The following RP1 variants were observed in gnomAD, a reference collection of about 807,000 sequenced individuals.
RP1 encodes the protein oxygen-regulated protein 1.
In RP1, 16 loss-of-function variants were observed where a neutral mutation model predicts 14.8. That is an observed-to-expected ratio of 1.08 (90% confidence interval 0.73 to 1.65). RP1 has a LOEUF of 1.65. RP1 is among the 40% of genes most tolerant of loss of function. The pLI is 0.00. For missense variants in RP1, 2,631 were observed against 2,535.0 expected, an observed-to-expected ratio of 1.04 and a Z score of -0.81; for synonymous variants, 876 against 883.6, an observed-to-expected ratio of 0.99 and a Z score of 0.15.
At chr8:54,653,746 A>G (rs1051617482) in intron 5 of RP1, among the ~76,000 whole-genome samples, 36 of 152,216 alleles carry the variant, frequency 2.4e-4, no homozygotes, top group African/African-American at 8.2e-4. Flanking sequence ...TTTAAAATTC[A>G]AAATTACTAC....
intron 1 of RP1, among the ~76,000 whole-genome samples, chr8:54,587,685 T>C (rs557713312): frequency 1.3e-5 from 2 of 152,300 alleles, no homozygotes; most frequent in East Asian, 3.9e-4. Flanking sequence ...ATAAAATTCC[T>C]GAAGTCAAGA....
At chr8:54,717,544 G>C (rs1808433093) in intron 15 of RP1, among the ~76,000 whole-genome samples, 1 of 152,110 alleles carries the variant, frequency 6.6e-6, no homozygotes, top group South Asian at 2.1e-4. Context: ...ATTGAATATT[G>C]GTGGTGAAAT....
intron 1 of RP1, among the ~76,000 whole-genome samples, chr8:54,602,375 T>C (rs924996074): frequency 2.0e-5 from 3 of 152,230 alleles, no homozygotes; most frequent in Non-Finnish European, 4.4e-5. Context: ...CTCATCCTTT[T>C]TTATGGCTGC....
At chr8:54,698,949 G>A (rs1163123421) in intron 12 of RP1, among the ~76,000 whole-genome samples, 1 of 152,094 alleles carries the variant, frequency 6.6e-6, no homozygotes, top group Non-Finnish European at 1.5e-5. Context: ...ATGATGAGTT[G>A]ATGGGTGCAG....
At chr8:54,854,151 G>A (rs756359979) in intron 26 of RP1, among the ~76,000 whole-genome samples, 27 of 152,000 alleles carry the variant, frequency 1.8e-4, no homozygotes, top group Non-Finnish European at 3.4e-4. Flanking sequence ...ACAGAAATTG[G>A]CAATCTAATT....
rs867449059 is a variant in RP1, at chr8:54,627,253, C to T, written c.3371C>T (p.Ser1124Leu). 1 of 1,614,058 alleles carries T rather than the reference C, an allele frequency of 6.2e-7. No homozygotes were observed. Residue 1124 changes from serine to leucine, a missense_variant, in exon 4 of 4, where the codon TCA becomes TTA. By Grantham distance (145) the Ser-to-Leu change is moderately radical. Transcript: ENST00000220676. ...CCCTTTCATTCTGCAATATGTAATT[C>T]ATCCACTAATCTCCTTCTAGCTTGG... ...GVPFHSAICN[S>L]STNLLLAWLL...
chr8:54,743,009 G>A (rs547459898), intron 19 of RP1, among the ~76,000 whole-genome samples: 242 of 152,170 alleles, frequency 1.6e-3, no homozygotes, highest in Non-Finnish European at 2.8e-3. Flanking sequence ...GAGTAAAGTG[G>A]GTAGAACACT....
At chr8:54,636,513 G>T (rs1032583136) in intron 3 of RP1, among the ~76,000 whole-genome samples, 5 of 152,210 alleles carry the variant, frequency 3.3e-5, no homozygotes, top group Admixed American at 3.3e-4. Flanking sequence ...CAAGGCAGGT[G>T]GATCACCTGA....
At chr8:54,842,669 A>G (rs189815484) in intron 25 of RP1, among the ~76,000 whole-genome samples, 4 of 152,320 alleles carry the variant, frequency 2.6e-5, no homozygotes, top group African/African-American at 7.2e-5. Context: ...TGACCCTCTT[A>G]AAATGTCAAT....
chr8:54,778,417 C>T (rs142328647), intron 23 of RP1, among the ~76,000 whole-genome samples: 2,878 of 151,186 alleles, frequency 0.019, 42 homozygotes, highest in Non-Finnish European at 0.029. Context: ...CTCCACCTCC[C>T]GGGTTCAAGC....
downstream of RP1, among the ~76,000 whole-genome samples, chr8:54,632,665 A>G (rs898069244): frequency 1.3e-5 from 2 of 151,834 alleles, no homozygotes; most frequent in African/African-American, 4.8e-5. Flanking sequence ...AGTTTTTTGT[A>G]TTTTTTTTAG....
chr8:54,572,482 C>G (rs1386705961), intron 1 of RP1, among the ~76,000 whole-genome samples: 2 of 152,234 alleles, frequency 1.3e-5, no homozygotes, highest in African/African-American at 2.4e-5. Context: ...GCAACATACT[C>G]TCTGTAAAGC....
intron 24 of RP1, among the ~76,000 whole-genome samples, chr8:54,803,522 A>G (rs1041111168): frequency 1.3e-5 from 2 of 152,204 alleles, no homozygotes; most frequent in Admixed American, 6.5e-5. Context: ...ATGATATTAC[A>G]CTATCATCCT....
chr8:54,621,896 A>T (rs1805890152), intron 2 of RP1, among the ~76,000 whole-genome samples: 1 of 152,074 alleles, frequency 6.6e-6, no homozygotes, highest in Non-Finnish European at 1.5e-5. Flanking sequence ...CAGAGGAAGC[A>T]TTTTCCTGGG....
chr8:54,598,595 C>A (rs755174392), intron 1 of RP1, among the ~76,000 whole-genome samples: 1 of 152,092 alleles, frequency 6.6e-6, no homozygotes, highest in Admixed American at 6.6e-5. Flanking sequence ...CAAATTCCTT[C>A]TTTTATCATT....
At chr8:54,706,553 C>T in exon 15 of RP1, 1 of 1,535,994 alleles carries the variant, frequency 6.5e-7, no homozygotes, top group Non-Finnish European at 8.7e-7. Flanking sequence ...CTGAAAAATC[C>T]TACTGGAAAG....
In RP1 at chr8:54,629,762, T is replaced by A; in HGVS notation, c.5880T>A (p.Leu1960=). The A allele has an allele frequency of 6.2e-7, 1 of 1,609,158 alleles. No homozygotes were observed. The highest frequency in any genetic ancestry group is 8.5e-7 in the Non-Finnish European group (1 of 1,177,672). ...GGATGAAAATACACCCATATTTACT[T>A]CAGACAGACAAAAATGTGTTCAGGG... ...YLWMKIHPYL[L]QTDKNVFREE... is the part of the protein sequence containing the mutation. The change falls in exon 4 of 4, where the codon CTT becomes CTA. Residue 1960 remains leucine, a synonymous_variant. Transcript: ENST00000220676.
chr8:54,739,155 T>C (rs1346954712), intron 19 of RP1: 18 of 534,000 alleles, frequency 3.4e-5, no homozygotes, highest in Non-Finnish European at 5.4e-5. Context: ...AGTGGGGTTA[T>C]GCCTCTGTAA....
chr8:54,701,472 G>GT, intron 13 of RP1: 1 of 1,481,062 alleles, frequency 6.8e-7, no homozygotes, highest in Non-Finnish European at 8.9e-7. Context: ...GGGTTTTTTT[G>GT]TTTTTCCTTT....
Sources: gnomAD v4.1 joint callset for allele counts (sites outside exome capture counted in the v4.1 genomes callset) on GRCh38, gnomAD v4.1.1 for gene constraint, MANE v1.5 for transcripts, NCBI Gene and HGNC (gene_info 2026-07-23, HGNC 2026-07-21) for gene names.